ZFYVE26: variants seen among roughly 807,000 people sequenced by gnomAD.
ZFYVE26 encodes zinc finger FYVE-type containing 26.
In ZFYVE26, 181 loss-of-function variants were observed where a neutral mutation model predicts 276.5. The ratio of observed to expected loss-of-function variants is 0.65; its 90% CI spans 0.58 to 0.74. The LOEUF is 0.74. Ranked by LOEUF, ZFYVE26 falls within the 30% of genes least tolerant of loss-of-function variation. The probability of loss-of-function intolerance (pLI) is 0.00; values close to 1 mark genes in which losing one functional copy is unlikely to be tolerated. For synonymous variants in ZFYVE26, 1,129 were observed against 1,203.1 expected (o/e 0.94, Z 1.27); for missense variants, 2,821 against 3,097.9 (o/e 0.91, Z 2.12).
At chr14:67,755,291 G>C (rs761805357) in intron 36 of ZFYVE26, 41 bp from the exon 37 acceptor site, 30 of 1,606,752 alleles carry the variant, frequency 1.9e-5, no homozygotes, top group Non-Finnish European at 2.3e-5. Context: ...AGTAGATCAG[G>C]GGTTTGGAGG....
chr14:67,782,043 G>A (rs546754699), intron 21 of ZFYVE26, among the ~76,000 whole-genome samples: 12 of 152,294 alleles, frequency 7.9e-5, no homozygotes, highest in African/African-American at 2.4e-4. Context: ...CAGACTCCAA[G>A]CAATTAAGAA....
chr14:67,770,135 A>T (rs1451685245), intron 28 of ZFYVE26: 3 of 289,478 alleles, frequency 1.0e-5, no homozygotes, highest in Non-Finnish European at 2.0e-5. Flanking sequence ...AGGTTATTTT[A>T]GCAGGTGCCA....
intron 13 of ZFYVE26, among the ~76,000 whole-genome samples, chr14:67,730,267 A>T (rs1241484644): frequency 6.6e-6 from 1 of 152,156 alleles, no homozygotes; most frequent in Non-Finnish European, 1.5e-5. Flanking sequence ...CGCCCTGGCA[A>T]TCTGGCTCTA....
At chr14:67,772,953 C>G (rs1222380430) in intron 27 of ZFYVE26, among the ~76,000 whole-genome samples, 1 of 151,884 alleles carries the variant, frequency 6.6e-6, no homozygotes, top group African/African-American at 2.4e-5. Context: ...GAGGGAGACT[C>G]TCTTAAAAAA....
intron 15 of ZFYVE26, 48 bp downstream of exon 15, chr14:67,790,524 C>G (rs1486494398): frequency 6.2e-7 from 1 of 1,600,524 alleles, no homozygotes; most frequent in Non-Finnish European, 8.5e-7. Flanking sequence ...CCTTTTACCC[C>G]CTCTCCCAGC....
At chr14:67,763,346 A>AG (rs1436340432) in intron 32 of ZFYVE26, among the ~76,000 whole-genome samples, 21 of 152,336 alleles carry the variant, frequency 1.4e-4, no homozygotes, top group Admixed American at 3.3e-4. Flanking sequence ...TAGTTTACTC[A>AG]TCTGTAAAAT....
At position 67,805,352 on chromosome 14, in the gene ZFYVE26, G is replaced by A. The variant is rs114371773; in HGVS notation, c.1183-47C>T. The A allele has an allele frequency of 3.3e-5, 54 of 1,613,372 alleles. No individual in the cohort carries two copies. In the African/African-American group the frequency reaches 7.1e-4, roughly 21 times the overall value. ...AAGAGATGCTGACTCAGGCACCTGGGGTTACAGATTATGACTGATTTTAGG... is the reference window on the plus strand; with the variant it reads ...AAGAGATGCTGACTCAGGCACCTGGAGTTACAGATTATGACTGATTTTAGG... On this transcript the variant is annotated intron_variant, in intron 7 of 41. Coordinates refer to ENST00000347230, the MANE Select transcript of ZFYVE26 (RefSeq NM_015346.4).
intron 27 of ZFYVE26, among the ~76,000 whole-genome samples, chr14:67,774,221 C>A (rs1289249464): frequency 6.6e-6 from 1 of 152,166 alleles, no homozygotes; most frequent in Non-Finnish European, 1.5e-5. Context: ...ATAACAGTGA[C>A]CTGGCTGGGT....
At position 67,798,027 on chromosome 14, in the gene ZFYVE26, G is replaced by A. The variant is rs970001173; in HGVS notation, c.2235C>T (p.Ser745=). 38 of 1,613,974 alleles carry A rather than the reference G, an allele frequency of 2.4e-5. No homozygotes were observed. Among genetic ancestry groups the A allele is most frequent in the Non-Finnish European group, 3.2e-5 (38 of 1,180,022 alleles). Reference sequence around the variant, plus strand: ...CCCTTCTCTCACCTGAACGATGGTTGCTTGTCACCACCTTGTGTCTCCACT... The same window carrying A: ...CCCTTCTCTCACCTGAACGATGGTTACTTGTCACCACCTTGTGTCTCCACT... ...EAQWRHKVVT[S]NHRSEEQPSR... Residue 745 remains serine, a synonymous_variant, in exon 11 of 42, where the codon AGC becomes AGT. Coordinates refer to ENST00000347230, the MANE Select transcript of ZFYVE26 (RefSeq NM_015346.4).
intron 25 of ZFYVE26, among the ~76,000 whole-genome samples, chr14:67,777,008 G>A (rs921825981): frequency 2.6e-5 from 4 of 152,328 alleles, no homozygotes; most frequent in African/African-American, 7.2e-5. Context: ...TGTCTCCAAA[G>A]TTATACATCA....
intron 27 of ZFYVE26, among the ~76,000 whole-genome samples, chr14:67,774,498 C>CAA (rs56982643): frequency 8.8e-4 from 130 of 148,504 alleles, no homozygotes; most frequent in East Asian, 4.1e-3. Flanking sequence ...GACTCCGTCT[C>CAA]AAAAAAAAAA....
chr14:67,740,680 GGGT>G (rs1355867928), intron 13 of ZFYVE26, among the ~76,000 whole-genome samples: 5 of 152,114 alleles, frequency 3.3e-5, no homozygotes, highest in African/African-American at 1.2e-4. Context: ...AGGCCAAGGC[GGGT>G]GGATCACGAG....
At chr14:67,807,989 T>G in intron 4 of ZFYVE26, 69 bp from the exon 5 acceptor site, 1 of 1,560,796 alleles carries the variant, frequency 6.4e-7, no homozygotes, top group Non-Finnish European at 8.8e-7. Flanking sequence ...TGTGCCTTCA[T>G]GCTTTCCTCT....
In ZFYVE26 at chr14:67,790,646, G is replaced by T; in HGVS notation, c.2681C>A (p.Ala894Glu). 1 of 1,614,156 alleles carries T rather than the reference G, an allele frequency of 6.2e-7. No individual in the cohort carries two copies. Among genetic ancestry groups the T allele is most frequent in the Non-Finnish European group, 8.5e-7 (1 of 1,180,006 alleles). The change falls in exon 15 of 42, where the codon GCG (alanine) becomes GAG (glutamate). Residue 894 changes from alanine to glutamate, a missense_variant. Ala to Glu is a moderately radical substitution (Grantham distance 107). Coordinates refer to ENST00000347230, the MANE Select transcript of ZFYVE26 (RefSeq NM_015346.4). ...AGTTCTCCGAATGGTGCTGCTACCC[G>T]CATCTGAGTTCTGGTTTTCAATCTT... ...EHKIENQNSD[A>E]GSSTIRRTGS...
chr14:67,809,439 T>A, intron 3 of ZFYVE26, 150 bp from the exon 4 acceptor site: 1 of 643,928 alleles, frequency 1.6e-6, no homozygotes. Flanking sequence ...TTTTTTTATT[T>A]TGAGACAGAG....
At chr14:67,735,873 AAC>A (rs1429403421) in intron 13 of ZFYVE26, among the ~76,000 whole-genome samples, 1 of 152,192 alleles carries the variant, frequency 6.6e-6, no homozygotes, top group African/African-American at 2.4e-5. Flanking sequence ...TCAAGAAACA[AAC>A]AGTTTCAGAG....
At chr14:67,806,786 C>T (rs1398026468) in intron 5 of ZFYVE26, 111 bp from the exon 6 acceptor site, 2 of 1,319,726 alleles carry the variant, frequency 1.5e-6, no homozygotes, top group African/African-American at 2.9e-5. Flanking sequence ...AAAACTTAGG[C>T]TGGGTTTTCC....
At position 67,748,208 on chromosome 14, in the gene ZFYVE26, C is replaced by T. The variant is rs538739124; in HGVS notation, c.*228G>A. The T allele has an allele frequency of 1.7e-5, 10 of 586,692 alleles. No individual in the cohort carries two copies. Among genetic ancestry groups the T allele is most frequent in the South Asian group, 1.2e-4 (6 of 49,468 alleles). 36.3% of individuals were successfully genotyped at this position (586,692 alleles called of 1,614,324 possible). ...CTCACTCTGAGGTAGAAAGAACTGG[C>T]CATCTCCAGACAAACACACATAGAT... On this transcript the variant is annotated 3_prime_UTR_variant, in exon 42 of 42. Coordinates refer to ENST00000347230, the MANE Select transcript of ZFYVE26 (RefSeq NM_015346.4).
chr14:67,766,670 G>A (rs2039067311), intron 31 of ZFYVE26, among the ~76,000 whole-genome samples: 1 of 152,140 alleles, frequency 6.6e-6, no homozygotes, highest in Non-Finnish European at 1.5e-5. Context: ...TCATTTTACT[G>A]GGAAGAAGGG....
Sources: allele counts gnomAD v4.1 joint callset (sites outside exome capture counted in the v4.1 genomes callset), GRCh38; gene constraint gnomAD v4.1.1; transcripts MANE v1.5; gene names NCBI Gene and HGNC (gene_info 2026-07-23, HGNC 2026-07-21).